Variants in RIT2 observed in about 807,000 individuals in gnomAD.
The protein encoded by RIT2 is GTP-binding protein Rit2.
A neutral mutation model predicts 23.7 loss-of-function variants in RIT2; 24 were observed. The observed-to-expected ratio is 1.01, with a 90% CI of 0.73 to 1.43. RIT2 has a LOEUF of 1.43. Among genes scored for constraint, RIT2 ranks in the 40% most tolerant of loss-of-function variants. RIT2 has a pLI of 0.00. For missense variants in RIT2, 236 were observed against 266.9 expected (o/e 0.88, Z 0.81); for synonymous variants, 107 against 91.1 (o/e 1.17, Z -0.99).
chr18:43,005,722 C>A (rs967227475), intron 2 of RIT2, among the ~76,000 whole-genome samples: 1 of 151,690 alleles, frequency 6.6e-6, no homozygotes, highest in Non-Finnish European at 1.5e-5. Flanking sequence ...ATCCCATGAA[C>A]CCAAAAATAT....
intron 4 of RIT2, among the ~76,000 whole-genome samples, chr18:42,837,116 G>T (rs1270166484): frequency 1.8e-5 from 2 of 112,976 alleles, no homozygotes; most frequent in Non-Finnish European, 3.6e-5. Context: ...TCATAGTAAT[G>T]TTAAAGTGCT....
At chr18:42,984,237 T>C (rs1910660257) in intron 2 of RIT2, among the ~76,000 whole-genome samples, 1 of 152,150 alleles carries the variant, frequency 6.6e-6, no homozygotes, top group South Asian at 2.1e-4. Flanking sequence ...AAAAAAGCAG[T>C]GGAGTATAAT....
chr18:42,870,471 C>T (rs1363906592), intron 4 of RIT2, among the ~76,000 whole-genome samples: 4 of 152,180 alleles, frequency 2.6e-5, no homozygotes, highest in Non-Finnish European at 5.9e-5. Context: ...GCCTCAGCCT[C>T]TCAAAGTGCT....
chr18:43,105,188 G>T (rs949071549), intron 1 of RIT2, among the ~76,000 whole-genome samples: 1 of 151,202 alleles, frequency 6.6e-6, no homozygotes, highest in African/African-American at 2.4e-5. Flanking sequence ...TGAATAAAGG[G>T]ATTGTTTACT....
intron 4 of RIT2, among the ~76,000 whole-genome samples, chr18:42,785,739 G>T (rs1461410820): frequency 3.3e-5 from 5 of 152,116 alleles, no homozygotes; most frequent in Non-Finnish European, 1.5e-5. Context: ...GAATTGTGGG[G>T]ATGGTGAACT....
chr18:42,896,774 G>A (rs1908341327), intron 4 of RIT2, among the ~76,000 whole-genome samples: 1 of 152,152 alleles, frequency 6.6e-6, no homozygotes, highest in Admixed American at 6.5e-5. Context: ...TGATCATGGT[G>A]AACTCCAGTA....
At chr18:42,971,943 C>A (rs1230900765) in intron 3 of RIT2, among the ~76,000 whole-genome samples, 2 of 151,920 alleles carry the variant, frequency 1.3e-5, no homozygotes, top group East Asian at 3.9e-4. Context: ...TATATTGGCA[C>A]CACACTGGGG....
At position 42,847,292 on chromosome 18, in the gene RIT2, T is replaced by C. The variant is rs1254276608; in HGVS notation, c.426+76280A>G. 2.6e-5 allele frequency among the ~76,000 whole-genome samples: 4 copies of C among 152,220 alleles called. No homozygotes were observed. The East Asian group carries it at 7.7e-4, about 29-fold the overall frequency. On this transcript the variant is annotated intron_variant, in intron 4 of 4. Transcript: ENST00000326695. ...ATAAAGAACTAAAGAGAAACAAAGATATCCTGACAACCATAATCATTCATG... is the reference window on the plus strand; with the variant it reads ...ATAAAGAACTAAAGAGAAACAAAGACATCCTGACAACCATAATCATTCATG...
At chr18:43,102,445 C>CTTT (rs200839354) in intron 1 of RIT2, among the ~76,000 whole-genome samples, 2,983 of 109,792 alleles carry the variant, frequency 0.027, 74 homozygotes, top group South Asian at 0.058. Flanking sequence ...TCAGGAAACC[C>CTTT]TTTTTTTTTT....
chr18:42,863,791 G>A (rs8088172), intron 4 of RIT2, among the ~76,000 whole-genome samples: 4,533 of 152,092 alleles, frequency 0.03, 218 homozygotes, highest in African/African-American at 0.1. Flanking sequence ...ACCTCAACCC[G>A]AATCTCAAGC....
chr18:43,017,301 T>C (rs1012784530), intron 2 of RIT2, among the ~76,000 whole-genome samples: 10 of 152,012 alleles, frequency 6.6e-5, no homozygotes, highest in Non-Finnish European at 1.2e-4. Context: ...AGGTCATGTC[T>C]ACATGAATAC....
At chr18:43,009,155 C>G (rs1471781913) in intron 2 of RIT2, among the ~76,000 whole-genome samples, 1 of 151,522 alleles carries the variant, frequency 6.6e-6, no homozygotes, top group Non-Finnish European at 1.5e-5. Flanking sequence ...GAATCTAAAA[C>G]TTATCTAAAA....
At chr18:43,020,306 G>A (rs957764675) in intron 2 of RIT2, among the ~76,000 whole-genome samples, 1 of 151,962 alleles carries the variant, frequency 6.6e-6, no homozygotes, top group Non-Finnish European at 1.5e-5. Flanking sequence ...CCAACATGGT[G>A]AAACCCTCTG....
chr18:43,094,125 T>TG (rs1392132923), intron 1 of RIT2, among the ~76,000 whole-genome samples: 2 of 127,062 alleles, frequency 1.6e-5, no homozygotes, highest in Non-Finnish European at 3.4e-5. Flanking sequence ...TTTTTTTTGT[T>TG]TTTTTTTTTT....
At chr18:43,035,932 A>C (rs1911963944) in intron 1 of RIT2, among the ~76,000 whole-genome samples, 1 of 152,232 alleles carries the variant, frequency 6.6e-6, no homozygotes, top group South Asian at 2.1e-4. Flanking sequence ...AACAATGTTA[A>C]GAATGATTGA....
chr18:42,783,637 C>T (rs1913860998), intron 4 of RIT2, among the ~76,000 whole-genome samples: 2 of 151,984 alleles, frequency 1.3e-5, no homozygotes, highest in Admixed American at 6.6e-5. Flanking sequence ...TGTGAAATGT[C>T]TATATTCATA....
intron 4 of RIT2, among the ~76,000 whole-genome samples, chr18:42,806,755 C>T (rs1905695804): frequency 6.6e-6 from 1 of 152,182 alleles, no homozygotes; most frequent in African/African-American, 2.4e-5. Context: ...TAACACTTTG[C>T]AAAGCAATTA....
intron 2 of RIT2, among the ~76,000 whole-genome samples, chr18:42,997,535 G>A (rs1191847146): frequency 2.0e-5 from 3 of 151,924 alleles, no homozygotes; most frequent in Non-Finnish European, 4.4e-5. Context: ...CTGATTAAAA[G>A]TTCACCTTGT....
intron 2 of RIT2, among the ~76,000 whole-genome samples, chr18:43,007,745 C>T (rs895069185): frequency 6.6e-6 from 1 of 151,642 alleles, no homozygotes; most frequent in Non-Finnish European, 1.5e-5. Context: ...CATATGGTTA[C>T]TTTCGGAAAA....
Sources: gnomAD v4.1 joint callset for allele counts (sites outside exome capture counted in the v4.1 genomes callset) on GRCh38, gnomAD v4.1.1 for gene constraint, MANE v1.5 for transcripts, NCBI Gene and HGNC (gene_info 2026-07-23, HGNC 2026-07-21) for gene names.